DCAF1: variants seen among roughly 807,000 people sequenced by gnomAD.
DCAF1 encodes DDB1- and CUL4-associated factor 1.
DCAF1 carries 15 observed loss-of-function variants against 128.0 expected under a neutral mutation model. The observed-to-expected ratio is 0.12, with a 90% CI of 0.08 to 0.18. The LOEUF (loss-of-function observed/expected upper bound fraction) is 0.18, where lower values mean the gene tolerates loss of function less well. DCAF1 is among the 10% of genes least tolerant of loss of function. The pLI is 1.00. For missense variants in DCAF1, 988 were observed against 1,649.5 expected, an observed-to-expected ratio of 0.60 and a Z score of 6.95; for synonymous variants, 610 against 603.0, an observed-to-expected ratio of 1.01 and a Z score of -0.17.
At position 51,479,517 on chromosome 3, in the gene DCAF1, G is replaced by A. The variant is rs191311042; in HGVS notation, c.110+4202C>T. ...AATCCTGTCTATTATAGCTGGGCAC[G>A]GTGGCTCACGCCTGTAATCTCAGCA... On this transcript the variant is annotated intron_variant, in intron 3 of 24. Coordinates refer to ENST00000684031, the MANE Select transcript of DCAF1 (RefSeq NM_001387579.1). Among the ~76,000 whole-genome samples the A allele has an allele frequency of 5.3e-5, 8 of 151,842 alleles. 1 individual carries two copies. Among genetic ancestry groups the A allele is most frequent in the African/African-American group, 1.2e-4 (5 of 41,404 alleles).
chr3:51,446,764 C>G (rs1222319788), intron 6 of DCAF1, among the ~76,000 whole-genome samples: 2 of 151,810 alleles, frequency 1.3e-5, no homozygotes, highest in Non-Finnish European at 2.9e-5. Flanking sequence ...AGTTCAAGAC[C>G]AGCCTGGTCA....
At chr3:51,441,929 G>A (rs782563697) in intron 7 of DCAF1, 32 bp from the exon 8 acceptor site, 1 of 1,550,812 alleles carries the variant, frequency 6.4e-7, no homozygotes, top group South Asian at 1.2e-5. Context: ...AAAAGGGGGT[G>A]CCTCTTTATT....
chr3:51,475,933 C>T (rs915808699), intron 3 of DCAF1, among the ~76,000 whole-genome samples: 1 of 151,982 alleles, frequency 6.6e-6, no homozygotes, highest in Non-Finnish European at 1.5e-5. Context: ...CAGTGTGAGA[C>T]ACTCTCGGTA....
At chr3:51,436,941 TA>T (rs1553636914) in intron 9 of DCAF1, among the ~76,000 whole-genome samples, 1 of 152,056 alleles carries the variant, frequency 6.6e-6, no homozygotes, top group African/African-American at 2.4e-5. Flanking sequence ...AGAGAAATAA[TA>T]AAGTTGACAT....
rs201770930 is a variant in DCAF1, at chr3:51,430,065, G to A, written c.1435C>T (p.Arg479Cys). 42 of 780,498 alleles carry A rather than the reference G, an allele frequency of 5.4e-5. No individual in the cohort carries two copies. The highest frequency in any genetic ancestry group is 7.9e-5 in the Non-Finnish European group (33 of 417,956). The allele number at this position is 780,498 out of a possible 1,614,324, so 48.3% of individuals were successfully genotyped here. The change falls in exon 11 of 25, where the codon CGC becomes TGC. Residue 479 changes from arginine to cysteine, a missense_variant. Coordinates refer to ENST00000684031, the MANE Select transcript of DCAF1 (RefSeq NM_001387579.1). ...SFRAVLELFD[R>C]YDGLRRLVNL... ...ACCAGACGACGAAGACCATCATAGCGGTCAAAGAGCTCCAAGACGGCCCGA... is the reference window on the plus strand; with the variant it reads ...ACCAGACGACGAAGACCATCATAGCAGTCAAAGAGCTCCAAGACGGCCCGA...
chr3:51,463,539 T>C (rs1476106512), intron 5 of DCAF1, among the ~76,000 whole-genome samples: 1 of 152,010 alleles, frequency 6.6e-6, no homozygotes. Context: ...TCCCAGCACT[T>C]TGGGAAGCCA....
chr3:51,400,426 C>G (rs2089579183), intron 24 of DCAF1, among the ~76,000 whole-genome samples: 1 of 152,200 alleles, frequency 6.6e-6, no homozygotes, highest in Non-Finnish European at 1.5e-5. Context: ...GCCTGAGACC[C>G]TTCTGCCCAG....
intron 9 of DCAF1, chr3:51,437,266 C>CAAAAAAAAAAAAAAAAAAA (rs71633071): frequency 1.2e-5 from 3 of 256,606 alleles, no homozygotes; most frequent in African/African-American, 4.8e-5. Context: ...GACTCCATGT[C>CAAAAAAAAAAAAAAAAAAA]AAAAAAAAAA....
rs1396267256 is a variant in DCAF1, at chr3:51,479,665, G to A, written c.110+4054C>T. Among the ~76,000 whole-genome samples, 4 of 151,882 alleles carry A rather than the reference G, an allele frequency of 2.6e-5. No homozygotes were observed. In the South Asian group the frequency reaches 8.3e-4, roughly 32 times the overall value. ...TAAAAAATTAGCCCAGTGTGGTGGC[G>A]GGCACCTGTAGTCCCAGCTGCTCAG... On this transcript the variant is annotated intron_variant, in intron 3 of 24. Coordinates refer to ENST00000684031, the MANE Select transcript of DCAF1 (RefSeq NM_001387579.1).
chr3:51,469,838 T>C (rs1014255714), intron 4 of DCAF1, among the ~76,000 whole-genome samples: 3 of 151,452 alleles, frequency 2.0e-5, no homozygotes, highest in Non-Finnish European at 4.4e-5. Context: ...TTGGCCAACA[T>C]GGTGAAACCC....
rs546991128 is a variant in DCAF1, at chr3:51,460,588, A to C, written c.375+2526T>G. Among the ~76,000 whole-genome samples the C allele has an allele frequency of 2.0e-5, 3 of 151,050 alleles. No homozygotes were observed. The East Asian group carries it at 5.8e-4, about 29-fold the overall frequency. On this transcript the variant is annotated intron_variant, in intron 6 of 24. Transcript: ENST00000684031. ...TAAAGTTCATATGGAACCAAAAAAGAGCCCACATCACCAAGTCAATCCTAA... is the reference window on the plus strand; with the variant it reads ...TAAAGTTCATATGGAACCAAAAAAGCGCCCACATCACCAAGTCAATCCTAA...
At chr3:51,409,983 C>G (rs1698254289) in intron 23 of DCAF1, among the ~76,000 whole-genome samples, 1 of 152,230 alleles carries the variant, frequency 6.6e-6, no homozygotes, top group Non-Finnish European at 1.5e-5. Context: ...TGGAAAACCT[C>G]TCCCTTCTAC....
At chr3:51,500,804 TTC>T (rs1335272389), upstream of DCAF1, among the ~76,000 whole-genome samples, 3 of 151,308 alleles carry the variant, frequency 2.0e-5, no homozygotes, top group Non-Finnish European at 4.4e-5. Flanking sequence ...AGCCTCTTTT[TTC>T]TCTGTCTTTT....
chr3:51,443,196 CAT>C (rs1276924305), intron 7 of DCAF1, among the ~76,000 whole-genome samples: 6 of 152,076 alleles, frequency 3.9e-5, no homozygotes, highest in Non-Finnish European at 5.9e-5. Context: ...AATTTTACTA[CAT>C]GTTTGAAAAT....
chr3:51,448,834 A>T (rs1553640850), intron 6 of DCAF1, among the ~76,000 whole-genome samples: 2 of 152,174 alleles, frequency 1.3e-5, no homozygotes, highest in African/African-American at 2.4e-5. Context: ...AACCTAAAAG[A>T]TGTACACAGA....
intron 7 of DCAF1, among the ~76,000 whole-genome samples, chr3:51,442,157 CT>C (rs782219622): frequency 3.9e-5 from 6 of 152,122 alleles, no homozygotes; most frequent in Non-Finnish European, 8.8e-5. Context: ...GACAACTGAT[CT>C]GTTTGGGTCA....
At chr3:51,463,337 G>A in intron 5 of DCAF1, 110 bp from the exon 6 acceptor site, 2 of 531,982 alleles carry the variant, frequency 3.8e-6, no homozygotes, top group East Asian at 6.6e-5. Flanking sequence ...GGGTATGAAA[G>A]AAGACTGTAT....
At chr3:51,443,001 A>C (rs1267428906) in intron 7 of DCAF1, among the ~76,000 whole-genome samples, 1 of 152,150 alleles carries the variant, frequency 6.6e-6, no homozygotes, top group East Asian at 1.9e-4. Flanking sequence ...TGATCTGTGC[A>C]GCAAATTACC....
intron 2 of DCAF1, among the ~76,000 whole-genome samples, chr3:51,494,237 C>T (rs1015093997): frequency 3.3e-5 from 5 of 151,026 alleles, no homozygotes; most frequent in African/African-American, 1.2e-4. Flanking sequence ...GCTTCAGCCT[C>T]CCGAGTAGCT....
Sources: gnomAD v4.1 joint callset for allele counts (sites outside exome capture counted in the v4.1 genomes callset) on GRCh38, gnomAD v4.1.1 for gene constraint, MANE v1.5 for transcripts, NCBI Gene and HGNC (gene_info 2026-07-23, HGNC 2026-07-21) for gene names.